AMMECR1L: variants seen among roughly 807,000 people sequenced by gnomAD.
AMMECR1L encodes AMMECR1-like protein.
In AMMECR1L, 4 loss-of-function variants were observed where a neutral mutation model predicts 36.8. The ratio of observed to expected loss-of-function variants is 0.11; its 90% confidence interval spans 0.05 to 0.25. The LOEUF (loss-of-function observed/expected upper bound fraction) is 0.25, where lower values mean the gene tolerates loss of function less well. AMMECR1L is among the 10% of genes least tolerant of loss of function. The pLI is 1.00. For missense variants in AMMECR1L, 232 were observed against 392.1 expected (o/e 0.59, Z 3.45); for synonymous variants, 147 against 148.0 (o/e 0.99, Z 0.05).
At chr2:127,877,036 C>CATATATATATATATATATATATATACGT (rs10568778) in intron 2 of AMMECR1L, among the ~76,000 whole-genome samples, 1 of 142,226 alleles carries the variant, frequency 7.0e-6, no homozygotes, top group African/African-American at 2.6e-5. Flanking sequence ...TATATATATA[C>CATATATATATATATATATATATATACGT]ATATATATAT....
chr2:127,879,583 C>T (rs1009688164), intron 2 of AMMECR1L, among the ~76,000 whole-genome samples: 2 of 152,138 alleles, frequency 1.3e-5, no homozygotes, highest in Admixed American at 6.5e-5. Context: ...ATAACAACTA[C>T]AGGCAAAGAA....
In AMMECR1L at chr2:127,873,784, G is replaced by GTC; in HGVS notation, c.407+42_407+43dup. ...CTCAAGAGAATCACCCCAGAAAGAT[G>GTC]TCACCATGCCTTCCTCAGTGCCCCC... On this transcript the variant is annotated intron_variant, in intron 3 of 7. Transcript: ENST00000272647. This position sits in a 1 kb window ranked among gnomAD's most constrained non-coding sequence, Gnocchi z 5.2. 1 of 1,611,890 alleles carries GTC rather than the reference G, an allele frequency of 6.2e-7. No homozygotes were observed.
At chr2:127,872,155 C>T (rs1691004095) in intron 3 of AMMECR1L, among the ~76,000 whole-genome samples, 1 of 148,462 alleles carries the variant, frequency 6.7e-6, no homozygotes, top group Non-Finnish European at 1.5e-5. Flanking sequence ...TGCCACTGCA[C>T]TCCAGCCTCG....
rs1254600002 is a variant in AMMECR1L, at chr2:127,863,635, C to G, written c.*1459G>C. The G allele has an allele frequency of 6.6e-6, 1 of 152,642 alleles. No individual in the cohort carries two copies. The highest frequency in any genetic ancestry group is 1.5e-5 in the Non-Finnish European group (1 of 68,050). 9.5% of individuals were successfully genotyped at this position (152,642 alleles called of 1,614,324 possible). The stretch of plus-strand genomic sequence containing the variant: ...AAAACATGTTCACTGGGTTGACACC[C>G]AATCCACTTCATGAGTTCTCTAAGC... On this transcript the variant is annotated 3_prime_UTR_variant, in exon 8 of 8. Coordinates refer to ENST00000272647, the MANE Select transcript of AMMECR1L (RefSeq NM_001199140.2).
Position 127,885,817 on chromosome 2 carries a change from C to T in AMMECR1L, c.-156G>A. 1 of 985,148 alleles carries T rather than the reference C, an allele frequency of 1.0e-6. No homozygotes were observed. Among genetic ancestry groups the T allele is most frequent in the African/African-American group, 1.7e-5 (1 of 57,286 alleles). The allele number at this position is 985,148 out of a possible 1,614,324, so 61.0% of individuals were successfully genotyped here. ...GCAGCCCGAGTTTCCCACCTTTTCT[C>T]CTGGCCCAGACGCGGCTGGGGCGGA... is the stretch of plus-strand genomic sequence containing the variant. On this transcript the variant is annotated 5_prime_UTR_variant, in exon 1 of 8. Coordinates refer to ENST00000272647, the MANE Select transcript of AMMECR1L (RefSeq NM_001199140.2).
chr2:127,877,083 T>C (rs1691283835), intron 2 of AMMECR1L, among the ~76,000 whole-genome samples: 1 of 149,790 alleles, frequency 6.7e-6, no homozygotes, highest in Non-Finnish European at 1.5e-5. Context: ...AAACAGTGAC[T>C]AGTATGTGTT....
At position 127,873,193 on chromosome 2, in the gene AMMECR1L, A is replaced by C. The variant is rs976101786; in HGVS notation, c.407+635T>G. On this transcript the variant is annotated intron_variant, in intron 3 of 7. Coordinates refer to ENST00000272647, the MANE Select transcript of AMMECR1L (RefSeq NM_001199140.2). This position sits in a 1 kb window ranked among gnomAD's most constrained non-coding sequence, Gnocchi z 5.2. The stretch of plus-strand genomic sequence containing the variant: ...CTCAGAGCGGCTTCCAATTCTGAGG[A>C]AGAAGAAAATGCTAGCATGGAATTC... 2.0e-6 allele frequency: 2 copies of C among 985,382 alleles called. No individual in the cohort carries two copies. Among genetic ancestry groups the C allele is most frequent in the African/African-American group, 3.5e-5 (2 of 57,262 alleles). 61.0% of individuals were successfully genotyped at this position (985,382 alleles called of 1,614,324 possible).
chr2:127,867,427 G>C (rs1038434275), intron 6 of AMMECR1L: 1 of 632,250 alleles, frequency 1.6e-6, no homozygotes, highest in African/African-American at 2.0e-5. Flanking sequence ...TTGGAGTCCT[G>C]TTTTCTATGG....
At chr2:127,885,728 C>T (rs1559003965) in intron 1 of AMMECR1L, 82 bp downstream of exon 1, 1 of 979,550 alleles carries the variant, frequency 1.0e-6, no homozygotes, top group Non-Finnish European at 1.2e-6. Context: ...GAGAACAGGC[C>T]CGGCGGGCAA....
At chr2:127,875,818 A>C (rs1558997018) in intron 2 of AMMECR1L, among the ~76,000 whole-genome samples, 1 of 151,948 alleles carries the variant, frequency 6.6e-6, no homozygotes, top group African/African-American at 2.4e-5. Context: ...TTTAAGAGAC[A>C]GGTCTCATTC....
rs766258640 is a variant in AMMECR1L at position 127,870,807 on chromosome 2, T to C, written c.633+7A>G. The C allele has an allele frequency of 6.2e-7, 1 of 1,606,330 alleles. No homozygotes were observed. The highest frequency in any genetic ancestry group is 1.9e-4 in the Middle Eastern group (1 of 5,246). On this transcript the variant is annotated splice_region_variant and intron_variant, in intron 5 of 7. Transcript: ENST00000272647. Reference sequence around the variant, plus strand: ...AGATGCAGAGTTCCAAATGCGGCTGTTCTCACCTCCCAGTCCAGGTAATCA... The same window carrying C: ...AGATGCAGAGTTCCAAATGCGGCTGCTCTCACCTCCCAGTCCAGGTAATCA...
At position 127,862,727 on chromosome 2, in the gene AMMECR1L, A is replaced by C. The variant is rs1690519258; in HGVS notation, c.*2367T>G. ...GCAGGGAGTAAGGCTTCTTCACTCC[A>C]AAAACCACTGAGCCCACTTCAGTGT... On this transcript the variant is annotated 3_prime_UTR_variant, in exon 8 of 8. Transcript: ENST00000272647. 1 of 152,648 alleles carries C rather than the reference A, an allele frequency of 6.6e-6. No individual in the cohort carries two copies. Among genetic ancestry groups the C allele is most frequent in the Admixed American group, 6.5e-5 (1 of 15,282 alleles). 9.5% of individuals were successfully genotyped at this position (152,648 alleles called of 1,614,324 possible). A position where few individuals can be genotyped will look rare whatever the true frequency, so the allele number is the denominator to read the frequency against.
rs1690799955 is a variant in AMMECR1L at position 127,868,412 on chromosome 2, C to T, written c.724+1042G>A. 3.3e-5 allele frequency among the ~76,000 whole-genome samples: 5 copies of T among 152,158 alleles called. No individual in the cohort carries two copies. In the South Asian group the frequency reaches 1.0e-3, roughly 32 times the overall value. On this transcript the variant is annotated intron_variant, in intron 6 of 7. Coordinates refer to ENST00000272647, the MANE Select transcript of AMMECR1L (RefSeq NM_001199140.2). ...GGCTAAAAGGTTTGCTATTATGCCA[C>T]ATATACACTGCTCTTGAAAAAGTTT... is the stretch of plus-strand genomic sequence containing the variant.
At chr2:127,867,140 C>A in intron 6 of AMMECR1L, 144 bp from the exon 7 acceptor site, 2 of 1,468,714 alleles carry the variant, frequency 1.4e-6, no homozygotes, top group Non-Finnish European at 1.8e-6. Flanking sequence ...CTGACCCCCA[C>A]GTACCTGGCG....
chr2:127,876,886 G>T (rs1037542038), intron 2 of AMMECR1L, among the ~76,000 whole-genome samples: 1 of 151,844 alleles, frequency 6.6e-6, no homozygotes, highest in Admixed American at 6.6e-5. Context: ...GCATGGTGGT[G>T]CATGCCTGTA....
At position 127,862,147 on chromosome 2, in the gene AMMECR1L, A is replaced by T. The variant is rs1690494896; in HGVS notation, c.*2947T>A. 6.5e-6 allele frequency: 1 copy of T among 153,676 alleles called. No individual in the cohort carries two copies. The highest frequency in any genetic ancestry group is 2.1e-4 in the South Asian group (1 of 4,824). The allele number at this position is 153,676 out of a possible 1,614,324, so 9.5% of individuals were successfully genotyped here. ...AAACAAGGACAATTCATAATTACAG[A>T]GAGAATGTCCTAGCTGTGGGTATTA... On this transcript the variant is annotated 3_prime_UTR_variant, in exon 8 of 8. Transcript: ENST00000272647.
chr2:127,872,666 C>A (rs1691039257), intron 3 of AMMECR1L, among the ~76,000 whole-genome samples: 1 of 152,208 alleles, frequency 6.6e-6, no homozygotes. Context: ...GCCCCAAAGC[C>A]TACTGAAAAA....
At chr2:127,867,357 A>G in intron 6 of AMMECR1L, 1 of 957,674 alleles carries the variant, frequency 1.0e-6, no homozygotes, top group Non-Finnish European at 1.2e-6. Flanking sequence ...GTGGGAAGAG[A>G]GGAATTTAAA....
Position 127,870,874 on chromosome 2 carries a change from A to T in AMMECR1L, c.573T>A (p.Leu191=), listed in dbSNP as rs1484087782. ...TAGTAAGGAGGGAGACAGAGCAGAAAAGTTTAGGCAGCTCCTCTCGGGTCA... is the reference window on the plus strand; with the variant it reads ...TAGTAAGGAGGGAGACAGAGCAGAATAGTTTAGGCAGCTCCTCTCGGGTCA... ...PPLTREELPK[L]FCSVSLLTNF... Residue 191 remains leucine, a synonymous_variant, in exon 5 of 8, where the codon CTT becomes CTA. Transcript: ENST00000272647. 1.2e-6 allele frequency: 2 copies of T among 1,613,672 alleles called. No individual in the cohort carries two copies. Among genetic ancestry groups the T allele is most frequent in the Admixed American group, 1.7e-5 (1 of 59,984 alleles).
Sources: gnomAD v4.1 joint callset for allele counts (sites outside exome capture counted in the v4.1 genomes callset) on GRCh38, gnomAD v4.1.1 for gene constraint, Gnocchi (gnomAD v3.1) non-coding constraint, MANE v1.5 for transcripts, NCBI Gene and HGNC (gene_info 2026-07-23, HGNC 2026-07-21) for gene names.